PECAM1: variants seen among roughly 807,000 people sequenced by gnomAD.
The protein encoded by PECAM1 is platelet and endothelial cell adhesion molecule 1.
PECAM1 carries 8 observed loss-of-function variants against 13.8 expected under a neutral mutation model. That is an observed-to-expected ratio of 0.58 (90% confidence interval 0.34 to 1.05). The LOEUF is 1.05. Ranked by LOEUF, PECAM1 falls within the 50% of genes least tolerant of loss-of-function variation. The pLI is 0.03. For missense variants in PECAM1, 304 were observed against 141.2 expected (o/e 2.15, Z -5.84); for synonymous variants, 136 against 52.6 (o/e 2.58, Z -6.86).
At chr17:64,361,129 A>ATGTGTGTGTGTGTGTGTG (rs145637288) in intron 6 of PECAM1, among the ~76,000 whole-genome samples, 122 of 137,260 alleles carry the variant, frequency 8.9e-4, no homozygotes, top group African/African-American at 3.3e-3. Context: ...CTGAGCATAT[A>ATGTGTGTGTGTGTGTGTG]TGTGTGTGTG....
At chr17:64,377,701 A>G in intron 3 of PECAM1, 123 bp downstream of exon 3, 2 of 455,040 alleles carry the variant, frequency 4.4e-6, no homozygotes, top group Admixed American at 6.5e-5. Flanking sequence ...AATGCCAGGC[A>G]GATGAATGAG....
chr17:64,337,062 C>T (rs118198649), intron 14 of PECAM1, among the ~76,000 whole-genome samples: 3,636 of 152,240 alleles, frequency 0.024, 158 homozygotes, highest in African/African-American at 0.083. Flanking sequence ...GGCTCCTCTC[C>T]TCAAGGAAGC....
chr17:64,369,607 A>G (rs1208920274), intron 5 of PECAM1, 143 bp downstream of exon 5: 2 of 396,942 alleles, frequency 5.0e-6, no homozygotes, highest in Non-Finnish European at 8.9e-6. Context: ...TCTTCCCACG[A>G]GCACCAAAGC....
At chr17:64,386,153 C>T (rs1278439717) in intron 2 of PECAM1, among the ~76,000 whole-genome samples, 1 of 152,022 alleles carries the variant, frequency 6.6e-6, no homozygotes, top group Non-Finnish European at 1.5e-5. Context: ...AGAATGAATC[C>T]CAGCACTTCG....
rs112650305 is a variant in PECAM1, at chr17:64,322,876, C to T, written c.*940G>A. On this transcript the variant is annotated 3_prime_UTR_variant, in exon 16 of 16. Coordinates refer to ENST00000563924, the MANE Select transcript of PECAM1 (RefSeq NM_000442.5). ...TACTACAGGCATGCGCCACCACGCC[C>T]GGCTAATTCTTGTATTTTTAGTAGA... is the stretch of plus-strand genomic sequence containing the variant. The T allele has an allele frequency of 3.2e-3, 1,037 of 327,630 alleles. 5 individuals carry two copies. The highest frequency in any genetic ancestry group is 3.8e-3 in the Non-Finnish European group (863 of 228,638). 20.3% of individuals were successfully genotyped at this position (327,630 alleles called of 1,614,324 possible). A position where few individuals can be genotyped will look rare whatever the true frequency, so the allele number is the denominator to read the frequency against.
At position 64,381,872 on chromosome 17, in the gene PECAM1, G is replaced by A. The variant is rs989560961; in HGVS notation, c.92-3755C>T. On this transcript the variant is annotated intron_variant, in intron 2 of 15. Coordinates refer to ENST00000563924, the MANE Select transcript of PECAM1 (RefSeq NM_000442.5). ...TCCCAGCACTTTGGGAGGCCGAGGC[G>A]GGTGGATCACTTGAGGTCAGGAGTT... Among the ~76,000 whole-genome samples, 420 of 152,154 alleles carry A rather than the reference G, an allele frequency of 2.8e-3. 2 individuals are homozygous for A. Among genetic ancestry groups the A allele is most frequent in the African/African-American group, 9.7e-3 (401 of 41,514 alleles).
intron 13 of PECAM1, among the ~76,000 whole-genome samples, chr17:64,346,724 C>T (rs2035578854): frequency 6.6e-6 from 1 of 152,118 alleles, no homozygotes; most frequent in African/African-American, 2.4e-5. Context: ...CATCCATTTC[C>T]CCAGCATAGA....
At chr17:64,379,250 G>T (rs1041394290) in intron 2 of PECAM1, among the ~76,000 whole-genome samples, 1 of 152,220 alleles carries the variant, frequency 6.6e-6, no homozygotes, top group African/African-American at 2.4e-5. Flanking sequence ...CCCCAGAACA[G>T]AATTGGCTTA....
intron 7 of PECAM1, among the ~76,000 whole-genome samples, chr17:64,358,564 T>C (rs2035900410): frequency 6.6e-6 from 1 of 152,162 alleles, no homozygotes; most frequent in African/African-American, 2.4e-5. Context: ...CCACTTAAGC[T>C]AGATGAAGTC....
chr17:64,331,168 C>T (rs2035103109), intron 14 of PECAM1, among the ~76,000 whole-genome samples: 1 of 151,652 alleles, frequency 6.6e-6, no homozygotes, highest in Admixed American at 6.6e-5. Context: ...CAGGAGTCTC[C>T]TCTCAACTGT....
At chr17:64,338,185 A>G (rs2143717486) in intron 14 of PECAM1, among the ~76,000 whole-genome samples, 2 of 151,110 alleles carry the variant, frequency 1.3e-5, no homozygotes, top group Admixed American at 1.3e-4. Flanking sequence ...ACAGGCATGC[A>G]CCACTATGCC....
intron 6 of PECAM1, among the ~76,000 whole-genome samples, chr17:64,362,216 C>T (rs993263409): frequency 2.6e-5 from 4 of 152,342 alleles, no homozygotes; most frequent in East Asian, 3.9e-4. Context: ...AATACTGAAT[C>T]ATAACCTGTA....
chr17:64,357,925 C>G (rs1012879541), intron 7 of PECAM1, among the ~76,000 whole-genome samples: 2 of 152,106 alleles, frequency 1.3e-5, no homozygotes, highest in Non-Finnish European at 2.9e-5. Flanking sequence ...GTTCCGAGAA[C>G]TCATTTGCAT....
Position 64,322,004 on chromosome 17 carries a change from G to C in PECAM1, c.*1812C>G. On this transcript the variant is annotated 3_prime_UTR_variant, in exon 16 of 16. Coordinates refer to ENST00000563924, the MANE Select transcript of PECAM1 (RefSeq NM_000442.5). ...CCACCACTCAGAAAACCTGGAAATT[G>C]TATGACATTTTCGTGATACAACTCG... The C allele has an allele frequency of 8.0e-7, 1 of 1,243,834 alleles. No individual in the cohort carries two copies. Among genetic ancestry groups the C allele is most frequent in the South Asian group, 1.3e-5 (1 of 75,962 alleles). 77.0% of individuals were successfully genotyped at this position (1,243,834 alleles called of 1,614,324 possible). A position where few individuals can be genotyped will look rare whatever the true frequency, so the allele number is the denominator to read the frequency against.
chr17:64,332,495 A>G (rs1412889404), intron 14 of PECAM1, among the ~76,000 whole-genome samples: 1 of 152,202 alleles, frequency 6.6e-6, no homozygotes, highest in African/African-American at 2.4e-5. Flanking sequence ...TTGGTAACAG[A>G]GCAATCATCA....
At chr17:64,324,291 T>G (rs2034884554) in intron 15 of PECAM1, among the ~76,000 whole-genome samples, 1 of 152,154 alleles carries the variant, frequency 6.6e-6, no homozygotes, top group Non-Finnish European at 1.5e-5. Context: ...CAATTTTTTT[T>G]AGATGGATTC....
intron 15 of PECAM1, among the ~76,000 whole-genome samples, chr17:64,326,810 C>T (rs1341156720): frequency 6.6e-6 from 1 of 152,234 alleles, no homozygotes; most frequent in Admixed American, 6.5e-5. Flanking sequence ...ATCAGCCACC[C>T]AAGTGCAGTT....
chr17:64,374,663 A>C (rs2036317152), intron 4 of PECAM1, among the ~76,000 whole-genome samples: 2 of 152,040 alleles, frequency 1.3e-5, no homozygotes, highest in Non-Finnish European at 2.9e-5. Context: ...GCATGCCTGT[A>C]ATCCCAGCTA....
intron 10 of PECAM1, among the ~76,000 whole-genome samples, 183 bp downstream of exon 10, chr17:64,353,306 TAC>T (rs138867178): frequency 0.03 from 858 of 28,350 alleles, 12 homozygotes; most frequent in East Asian, 0.5. Context: ...TCCACGGAGG[TAC>T]ACACACACAC....
Sources: gnomAD v4.1 joint callset for allele counts (sites outside exome capture counted in the v4.1 genomes callset) on GRCh38, gnomAD v4.1.1 for gene constraint, MANE v1.5 for transcripts, NCBI Gene and HGNC (gene_info 2026-07-23, HGNC 2026-07-21) for gene names.